STX8: variants seen among roughly 807,000 people sequenced by gnomAD.
The protein encoded by STX8 is syntaxin 8, also known as syntaxin-8.
A neutral mutation model predicts 37.5 loss-of-function variants in STX8; 23 were observed. That is an observed-to-expected ratio of 0.61 (90% confidence interval 0.44 to 0.87). The LOEUF is 0.87. Among genes scored for constraint, STX8 ranks in the 40% least tolerant of loss-of-function variants. The pLI, the probability that STX8 is intolerant of heterozygous loss-of-function variation, is 0.00. For synonymous variants in STX8, 115 were observed against 99.1 expected (o/e 1.16, Z -0.95); for missense variants, 313 against 284.7 (o/e 1.10, Z -0.71).
intron 4 of STX8, among the ~76,000 whole-genome samples, chr17:9,527,056 G>A (rs1037298236): frequency 6.1e-5 from 9 of 148,304 alleles, no homozygotes; most frequent in African/African-American, 2.2e-4. Context: ...GCGGGCGCCT[G>A]TAGTCCCAGC....
chr17:9,312,041 G>A (rs2142192480), intron 7 of STX8, among the ~76,000 whole-genome samples: 1 of 151,966 alleles, frequency 6.6e-6, no homozygotes, highest in East Asian at 1.9e-4. Flanking sequence ...TAGAGACGGG[G>A]TTTCACCTGT....
chr17:9,510,084 C>T (rs1904973618), intron 4 of STX8, among the ~76,000 whole-genome samples: 1 of 152,088 alleles, frequency 6.6e-6, no homozygotes, highest in Non-Finnish European at 1.5e-5. Context: ...GAGAATGTAA[C>T]AACTGTAAAT....
chr17:9,367,977 C>T (rs905849647), intron 7 of STX8, among the ~76,000 whole-genome samples: 1 of 151,936 alleles, frequency 6.6e-6, no homozygotes, highest in Non-Finnish European at 1.5e-5. Flanking sequence ...GGTGATCCAC[C>T]TGCCTCAGCT....
At chr17:9,284,030 A>G (rs1907987542) in intron 7 of STX8, among the ~76,000 whole-genome samples, 1 of 152,228 alleles carries the variant, frequency 6.6e-6, no homozygotes, top group Non-Finnish European at 1.5e-5. Flanking sequence ...CTTTCTAGAC[A>G]ACAATAAGAC....
At chr17:9,486,032 G>A (rs995107925) in intron 6 of STX8, among the ~76,000 whole-genome samples, 8 of 152,182 alleles carry the variant, frequency 5.3e-5, no homozygotes, top group African/African-American at 1.7e-4. Context: ...GAATGAAAAT[G>A]TACCTACTTT....
rs1386560807 is a variant in STX8 at position 9,568,464 on chromosome 17, G to A, written c.24C>T (p.Ser8=). 3 of 1,611,468 alleles carry A rather than the reference G, an allele frequency of 1.9e-6. No homozygotes were observed. The highest frequency in any genetic ancestry group is 1.7e-6 in the Non-Finnish European group (2 of 1,179,338). The change falls in exon 2 of 8, where the codon TCC becomes TCT. Residue 8 remains serine (S), a synonymous_variant. Transcript: ENST00000306357. MAPDPWF[S]TYDSTCQIAQ... is the part of the protein sequence containing the mutation. ...CAATTTGACAAGTAGAATCGTATGT[G>A]GAGAACCTGCACCAAAGTCGTAAAA...
At chr17:9,345,205 C>T (rs529592987) in intron 7 of STX8, among the ~76,000 whole-genome samples, 5 of 151,888 alleles carry the variant, frequency 3.3e-5, no homozygotes, top group Non-Finnish European at 5.9e-5. Flanking sequence ...GGCTGGAGTG[C>T]CACGGTGCAA....
chr17:9,335,832 GAC>G (rs10701494), intron 7 of STX8, among the ~76,000 whole-genome samples: 3 of 147,732 alleles, frequency 2.0e-5, no homozygotes, highest in African/African-American at 5.0e-5. Flanking sequence ...CACACACGTA[GAC>G]ACACACACAC....
At chr17:9,568,930 G>C (rs1475055692) in intron 1 of STX8, among the ~76,000 whole-genome samples, 1 of 152,220 alleles carries the variant, frequency 6.6e-6, no homozygotes, top group Non-Finnish European at 1.5e-5. Context: ...TATTTACCAT[G>C]TGCCAGGCAC....
At chr17:9,348,018 A>C (rs932768457) in intron 7 of STX8, among the ~76,000 whole-genome samples, 3 of 152,196 alleles carry the variant, frequency 2.0e-5, no homozygotes, top group African/African-American at 7.2e-5. Flanking sequence ...GTGTGTGTGA[A>C]GGCTTTTGTG....
At chr17:9,421,997 G>A (rs12944507) in intron 6 of STX8, among the ~76,000 whole-genome samples, 3 of 151,990 alleles carry the variant, frequency 2.0e-5, no homozygotes, top group Non-Finnish European at 4.4e-5. Flanking sequence ...CTTCTGCCAC[G>A]ATTCTAAGCT....
chr17:9,451,083 ATCT>A (rs72213697), intron 6 of STX8, among the ~76,000 whole-genome samples: 29,606 of 151,772 alleles, frequency 0.2, 3,706 homozygotes, highest in East Asian at 0.63. Context: ...AAGCCCTCAA[ATCT>A]TCTGGCATAT....
chr17:9,251,996 T>C (rs955044003), intron 7 of STX8, among the ~76,000 whole-genome samples: 9 of 150,504 alleles, frequency 6.0e-5, no homozygotes, highest in African/African-American at 1.2e-4. Flanking sequence ...AAACCCCATC[T>C]CTATTAAAAA....
At chr17:9,550,020 G>A (rs555153795) in intron 3 of STX8, among the ~76,000 whole-genome samples, 3 of 152,146 alleles carry the variant, frequency 2.0e-5, no homozygotes, top group East Asian at 1.9e-4. Flanking sequence ...TCAGGAGTTC[G>A]AGACCAGCCT....
chr17:9,422,832 C>T (rs1049137922), intron 6 of STX8, among the ~76,000 whole-genome samples: 6 of 152,186 alleles, frequency 3.9e-5, no homozygotes, highest in Non-Finnish European at 8.8e-5. Context: ...TCAGAAGTGG[C>T]GATTTTCCAA....
intron 7 of STX8, among the ~76,000 whole-genome samples, chr17:9,283,711 A>G (rs771187622): frequency 1.4e-4 from 21 of 152,242 alleles, no homozygotes; most frequent in Non-Finnish European, 2.6e-4. Flanking sequence ...TTTCAAAATT[A>G]AAAGCAATGT....
In STX8 at chr17:9,534,534, T is replaced by C. The variant is rs542979783; in HGVS notation, c.323+10638A>G. On this transcript the variant is annotated intron_variant, in intron 4 of 7. Transcript: ENST00000306357. ...GGCCAGGCGTGGTGGCTCACACCTA[T>C]AATCCCAGCACTTTGGGAGGCCGAG... 3.1e-4 allele frequency among the ~76,000 whole-genome samples: 47 copies of C among 152,342 alleles called. 1 individual carries two copies. Among genetic ancestry groups the C allele is most frequent in the East Asian group, 2.7e-3 (14 of 5,194 alleles).
At chr17:9,492,473 C>T (rs1720660325) in intron 5 of STX8, among the ~76,000 whole-genome samples, 3 of 152,180 alleles carry the variant, frequency 2.0e-5, no homozygotes. Flanking sequence ...CCGTATTTCT[C>T]AAGTGTAGAC....
intron 4 of STX8, among the ~76,000 whole-genome samples, chr17:9,523,774 A>C (rs1264696075): frequency 6.6e-6 from 1 of 152,262 alleles, no homozygotes; most frequent in Non-Finnish European, 1.5e-5. Flanking sequence ...CAAAGATGTG[A>C]GTTCAGTGAA....
Sources: allele counts gnomAD v4.1 joint callset (sites outside exome capture counted in the v4.1 genomes callset), GRCh38; gene constraint gnomAD v4.1.1; transcripts MANE v1.5; gene names NCBI Gene and HGNC (gene_info 2026-07-23, HGNC 2026-07-21).